RBFOX1: variants seen among roughly 807,000 people sequenced by gnomAD.
RBFOX1 encodes RNA binding protein fox-1 homolog 1.
A neutral mutation model predicts 57.7 loss-of-function variants in RBFOX1; 8 were observed. That is an observed-to-expected ratio of 0.14 (90% CI 0.08 to 0.25). The LOEUF is 0.25. Ranked by LOEUF, RBFOX1 falls within the 10% of genes least tolerant of loss-of-function variation. RBFOX1 has a pLI of 1.00. For missense variants in RBFOX1, 611 were observed against 548.5 expected (o/e 1.11, Z -1.14); for synonymous variants, 326 against 222.4 (o/e 1.47, Z -4.15).
intron 2 of RBFOX1, among the ~76,000 whole-genome samples, chr16:5,475,004 G>A (rs374775668): frequency 6.6e-6 from 1 of 152,062 alleles, no homozygotes; most frequent in East Asian, 1.9e-4. Context: ...TCTTTCTTTG[G>A]TTCCGATGGG....
At chr16:6,464,256 AC>A (rs780215558) in intron 2 of RBFOX1, among the ~76,000 whole-genome samples, 4 of 152,312 alleles carry the variant, frequency 2.6e-5, no homozygotes, top group Non-Finnish European at 5.9e-5. Flanking sequence ...TGTGAGTAAA[AC>A]AAAAAAAATC....
chr16:7,695,152 A>C (rs1250749415), intron 14 of RBFOX1, among the ~76,000 whole-genome samples: 1 of 152,154 alleles, frequency 6.6e-6, no homozygotes, highest in Non-Finnish European at 1.5e-5. Context: ...ATTGAGAGAG[A>C]TATCCCTAGT....
chr16:6,944,397 G>GAAAAAA (rs199499186), intron 3 of RBFOX1, among the ~76,000 whole-genome samples: 1 of 106,120 alleles, frequency 9.4e-6, no homozygotes. Flanking sequence ...CCATCTCAGA[G>GAAAAAA]AAAAAAAAAA....
At chr16:7,034,848 CTTTTTTTTTTTT>C (rs58405378) in intron 3 of RBFOX1, among the ~76,000 whole-genome samples, 1 of 30,830 alleles carries the variant, frequency 3.2e-5, no homozygotes, top group Non-Finnish European at 5.2e-5. Context: ...TTTCTTTTTT[CTTTTTTTTTTTT>C]TTTTTTGAGA....
In RBFOX1 at chr16:6,178,659, C is replaced by A. The variant is rs901656701; in HGVS notation, c.-126-138336C>A. 2.6e-5 allele frequency among the ~76,000 whole-genome samples: 4 copies of A among 152,306 alleles called. No homozygotes were observed. The East Asian group carries it at 7.7e-4, about 29-fold the overall frequency. On this transcript the variant is annotated intron_variant, in intron 1 of 15. Coordinates refer to ENST00000550418, the MANE Select transcript of RBFOX1 (RefSeq NM_018723.4). ...ATCCCTTGGTTATTGAATCTAGAATCTTTGAGCCCGGATGATCCTAGAGGG... is the reference window on the plus strand; with the variant it reads ...ATCCCTTGGTTATTGAATCTAGAATATTTGAGCCCGGATGATCCTAGAGGG...
intron 2 of RBFOX1, among the ~76,000 whole-genome samples, chr16:6,373,266 T>A (rs530650757): frequency 6.7e-6 from 1 of 150,350 alleles, no homozygotes; most frequent in Admixed American, 6.6e-5. Flanking sequence ...AGAATGAAGA[T>A]TGGGTGGAAG....
At chr16:7,044,468 G>A (rs558447719) in intron 3 of RBFOX1, among the ~76,000 whole-genome samples, 2 of 152,178 alleles carry the variant, frequency 1.3e-5, no homozygotes, top group African/African-American at 4.8e-5. Context: ...GATAGGAGAC[G>A]GGGAAGATGA....
chr16:6,987,813 C>T (rs952046188), intron 3 of RBFOX1, among the ~76,000 whole-genome samples: 58 of 152,122 alleles, frequency 3.8e-4, no homozygotes, highest in African/African-American at 1.2e-3. Context: ...ATGACTGGTC[C>T]GTGGAGTGAC....
intron 3 of RBFOX1, among the ~76,000 whole-genome samples, chr16:6,695,729 A>G (rs982202687): frequency 2.6e-5 from 4 of 152,226 alleles, no homozygotes; most frequent in African/African-American, 9.6e-5. Context: ...TTTGGAAAAT[A>G]TAGTTCAAGA....
At chr16:5,400,291 G>C (rs491294) in intron 1 of RBFOX1, among the ~76,000 whole-genome samples, 9,272 of 151,254 alleles carry the variant, frequency 0.061, 368 homozygotes, top group East Asian at 0.12. Context: ...TGGGATTTCA[G>C]CATGTTGGTC....
intron 4 of RBFOX1, among the ~76,000 whole-genome samples, chr16:7,131,555 G>C (rs1245307905): frequency 6.6e-6 from 1 of 151,550 alleles, no homozygotes; most frequent in African/African-American, 2.4e-5. Flanking sequence ...CAAGTGATTG[G>C]AACTGAGGTT....
intron 4 of RBFOX1, among the ~76,000 whole-genome samples, chr16:5,996,031 T>C (rs1333199816): frequency 1.3e-5 from 2 of 152,152 alleles, no homozygotes; most frequent in Non-Finnish European, 2.9e-5. Context: ...AGGAGCTCTC[T>C]GGGACCTCTT....
At chr16:6,815,794 A>G (rs1158832134) in intron 3 of RBFOX1, among the ~76,000 whole-genome samples, 1 of 152,120 alleles carries the variant, frequency 6.6e-6, no homozygotes, top group Non-Finnish European at 1.5e-5. Context: ...CCAACTACCT[A>G]ATAGTTTGCT....
At chr16:6,676,152 A>AGTG (rs1568166407) in intron 3 of RBFOX1, among the ~76,000 whole-genome samples, 1 of 116,142 alleles carries the variant, frequency 8.6e-6, no homozygotes, top group South Asian at 2.8e-4. Flanking sequence ...GCACACACAC[A>AGTG]CACACACACA....
intron 3 of RBFOX1, among the ~76,000 whole-genome samples, chr16:6,866,968 T>G (rs568627113): frequency 4.4e-4 from 67 of 152,200 alleles, no homozygotes; most frequent in African/African-American, 1.6e-3. Flanking sequence ...TCATACTGTT[T>G]TAAGCATACA....
At chr16:5,516,514 A>G (rs2043798038) in intron 2 of RBFOX1, among the ~76,000 whole-genome samples, 1 of 152,246 alleles carries the variant, frequency 6.6e-6, no homozygotes, top group South Asian at 2.1e-4. Context: ...ATTTCAGAAG[A>G]ATAGTGAGAA....
intron 1 of RBFOX1, among the ~76,000 whole-genome samples, chr16:6,176,313 ATTT>A (rs34667158): frequency 1.5e-4 from 14 of 95,230 alleles, no homozygotes; most frequent in African/African-American, 6.0e-4. Flanking sequence ...GCCTGACCAA[ATTT>A]TTTTTTTTTT....
chr16:7,328,540 G>GCTAAAATGCC (rs1415225315), intron 4 of RBFOX1: 1 of 148,942 alleles, frequency 6.7e-6, no homozygotes, highest in Non-Finnish European at 1.5e-5. Flanking sequence ...GACAGCCAGA[G>GCTAAAATGCC]CTAAAATGCC....
At chr16:6,556,076 G>A (rs2097094246) in intron 2 of RBFOX1, among the ~76,000 whole-genome samples, 1 of 152,260 alleles carries the variant, frequency 6.6e-6, no homozygotes, top group South Asian at 2.1e-4. Flanking sequence ...ATGGCCTTCA[G>A]AATTATAATT....
Sources: gnomAD v4.1 joint callset for allele counts (sites outside exome capture counted in the v4.1 genomes callset) on GRCh38, gnomAD v4.1.1 for gene constraint, MANE v1.5 for transcripts, NCBI Gene and HGNC (gene_info 2026-07-23, HGNC 2026-07-21) for gene names.